Variants in CRNKL1 observed in about 807,000 individuals in gnomAD.
CRNKL1 encodes crooked neck pre-mRNA splicing factor 1.
CRNKL1 carries 35 observed loss-of-function variants against 103.7 expected under a neutral mutation model. The observed-to-expected ratio is 0.34, with a 90% CI of 0.26 to 0.45. The LOEUF (loss-of-function observed/expected upper bound fraction) is 0.45. Ranked by LOEUF, CRNKL1 falls within the 20% of genes least tolerant of loss-of-function variation. The pLI is 1.00. For synonymous variants in CRNKL1, 267 were observed against 282.6 expected, an observed-to-expected ratio of 0.94 and a Z score of 0.55; for missense variants, 645 against 836.0, an observed-to-expected ratio of 0.77 and a Z score of 2.82.
Position 20,036,175 on chromosome 20 carries a change from A to T in CRNKL1, c.*20T>A. 1 of 1,606,424 alleles carries T rather than the reference A, an allele frequency of 6.2e-7. No individual in the cohort carries two copies. The highest frequency in any genetic ancestry group is 8.5e-7 in the Non-Finnish European group (1 of 1,176,254). ...AATTAATTTATAAAAATAACAAAAC[A>T]TTTGTCTATGAAAAAAAGATCAGGA... On this transcript the variant is annotated 3_prime_UTR_variant, in exon 14 of 14. Coordinates refer to ENST00000536226, the MANE Select transcript of CRNKL1 (RefSeq NM_001278628.2).
upstream of CRNKL1, chr20:20,055,997 C>T (rs750926407): frequency 1.2e-6 from 2 of 1,609,872 alleles, no homozygotes; most frequent in Middle Eastern, 1.7e-4. Flanking sequence ...ACGTTAGGTT[C>T]TCCACTGTTG....
intron 10 of CRNKL1, among the ~76,000 whole-genome samples, chr20:20,040,371 T>C (rs1022891410): frequency 8.7e-5 from 13 of 149,578 alleles, no homozygotes; most frequent in Non-Finnish European, 1.3e-4. Flanking sequence ...CAATTAAAAG[T>C]GCATTTAACA....
rs143037047 is a variant in CRNKL1 at position 20,050,378 on chromosome 20, T to C, written c.204+92A>G. 1.4e-4 allele frequency: 158 copies of C among 1,119,108 alleles called. No individual in the cohort carries two copies. The East Asian group carries it at 3.3e-3, about 23-fold the overall frequency. 69.3% of individuals were successfully genotyped at this position (1,119,108 alleles called of 1,614,324 possible). ...GCGTCTGGAAACACTTAACCTCATC[T>C]TGCCCTACAGAATCCAACCAATGAG... On this transcript the variant is annotated intron_variant, in intron 2 of 13. Coordinates refer to ENST00000536226, the MANE Select transcript of CRNKL1 (RefSeq NM_001278628.2).
chr20:20,047,456 T>C lies in CRNKL1; in HGVS notation c.622+309A>G, dbSNP rs116505512. Among the ~76,000 whole-genome samples, 290 of 152,320 alleles carry C rather than the reference T, an allele frequency of 1.9e-3. 2 individuals are homozygous for C. Among genetic ancestry groups the C allele is most frequent in the African/African-American group, 6.6e-3 (273 of 41,578 alleles). ...ATATGAGGGACTTAAGCATCACCGA[T>C]TTTGGTATCCCCTTGAGTTCCTGGA... On this transcript the variant is annotated intron_variant, in intron 5 of 13. Transcript: ENST00000536226.
upstream of CRNKL1, chr20:20,052,700 TGGCTCTGTCGAG>T (rs770406393): frequency 1.9e-5 from 30 of 1,611,832 alleles, no homozygotes; most frequent in East Asian, 6.7e-4. Context: ...CGAGGACGAG[TGGCTCTGTCGAG>T]CCGTGGCGCC....
chr20:20,049,479 T>C (rs1432864104), intron 2 of CRNKL1, 48 bp from the exon 3 acceptor site: 1 of 943,604 alleles, frequency 1.1e-6, no homozygotes, highest in South Asian at 1.4e-5. Context: ...TGACTAAAAA[T>C]GACAGCACCC....
rs914712596 is a variant in CRNKL1 at position 20,034,755 on chromosome 20, T to G, written c.*1440A>C. ...TAAAGCAGTCAGGCTGAAAACAGAT[T>G]TTATCTCAACAACAGTCCTAGTTTC... On this transcript the variant is annotated 3_prime_UTR_variant, in exon 14 of 14. Coordinates refer to ENST00000536226, the MANE Select transcript of CRNKL1 (RefSeq NM_001278628.2). 2.8e-4 allele frequency: 43 copies of G among 152,202 alleles called. No homozygotes were observed. The highest frequency in any genetic ancestry group is 2.8e-3 in the Admixed American group (43 of 15,290). The allele number at this position is 152,202 out of a possible 1,614,324, so 9.4% of individuals were successfully genotyped here. A position where few individuals can be genotyped will look rare whatever the true frequency, so the allele number is the denominator to read the frequency against.
chr20:20,039,839 T>C lies in CRNKL1; in HGVS notation c.1315A>G (p.Ile439Val), dbSNP rs759227985. ...SLARRALGTSIGKCPKNKLFK... is the reference protein window; with the variant it reads ...SLARRALGTSVGKCPKNKLFK... ...AATTTGTTCTTTGGACATTTGCCTA[T>C]GGAAGTTCCCTGGAAAATAAAATAA... is the stretch of plus-strand genomic sequence containing the variant. The change falls in exon 11 of 14, where the codon ATA (isoleucine) becomes GTA (valine). Residue 439 changes from isoleucine (I) to valine (V), a missense_variant. Transcript: ENST00000536226. The C allele has an allele frequency of 3.0e-5, 48 of 1,613,438 alleles. No individual in the cohort carries two copies. The highest frequency in any genetic ancestry group is 3.8e-5 in the Non-Finnish European group (45 of 1,179,842).
upstream of CRNKL1, among the ~76,000 whole-genome samples, chr20:20,053,083 C>G (rs1017443340): frequency 6.6e-6 from 1 of 152,170 alleles, no homozygotes; most frequent in African/African-American, 2.4e-5. Flanking sequence ...CTTAATTACT[C>G]TAGTTAAATT....
intron 2 of CRNKL1, 94 bp downstream of exon 2, chr20:20,050,376 T>C: frequency 9.0e-7 from 1 of 1,106,712 alleles, no homozygotes; most frequent in Middle Eastern, 3.1e-4. Flanking sequence ...CTTAACCTCA[T>C]CTTGCCCTAC....
chr20:20,052,712 G>T, upstream of CRNKL1: 1 of 1,609,176 alleles, frequency 6.2e-7, no homozygotes, highest in Non-Finnish European at 8.5e-7. Context: ...GCTCTGTCGA[G>T]CCGTGGCGCC....
At chr20:20,055,577 G>A (rs532055672), upstream of CRNKL1, among the ~76,000 whole-genome samples, 3 of 152,102 alleles carry the variant, frequency 2.0e-5, no homozygotes, top group South Asian at 2.1e-4. Context: ...TCCCTCGCTC[G>A]CTTTCTTTCT....
intron 4 of CRNKL1, 84 bp from the exon 5 acceptor site, chr20:20,048,015 C>A: frequency 7.1e-7 from 1 of 1,405,186 alleles, no homozygotes; most frequent in Non-Finnish European, 9.8e-7. Flanking sequence ...TTTTACCTTT[C>A]TTAAAGGTTA....
rs1275314522 is a variant in CRNKL1 at position 20,035,472 on chromosome 20, T to C, written c.*723A>G. The C allele has an allele frequency of 6.6e-6, 1 of 152,222 alleles. No homozygotes were observed. Among genetic ancestry groups the C allele is most frequent in the Non-Finnish European group, 1.5e-5 (1 of 68,038 alleles). The allele number at this position is 152,222 out of a possible 1,614,324, so 9.4% of individuals were successfully genotyped here. ...TCTGGAGAACTGATGAGCGCCTAAC[T>C]GAAATTATTAGACTAAATTCTTAGT... On this transcript the variant is annotated 3_prime_UTR_variant, in exon 14 of 14. Coordinates refer to ENST00000536226, the MANE Select transcript of CRNKL1 (RefSeq NM_001278628.2).
intron 7 of CRNKL1, 22 bp from the exon 8 acceptor site, chr20:20,042,538 T>TA: frequency 1.9e-6 from 3 of 1,583,802 alleles, no homozygotes; most frequent in Non-Finnish European, 1.7e-6. Flanking sequence ...ACCAGTTTAA[T>TA]AAATAAAAAA....
chr20:20,052,725 G>A (rs1230523680), upstream of CRNKL1: 4 of 1,601,486 alleles, frequency 2.5e-6, no homozygotes, highest in South Asian at 3.3e-5. Context: ...GTGGCGCCCT[G>A]CAAGGGAGTA....
chr20:20,052,303 T>C lies in CRNKL1; in HGVS notation c.40A>G (p.Lys14Glu). 1 of 1,610,644 alleles carries C rather than the reference T, an allele frequency of 6.2e-7. No homozygotes were observed. Among genetic ancestry groups the C allele is most frequent in the East Asian group, 2.2e-5 (1 of 44,838 alleles). The stretch of plus-strand genomic sequence containing the variant: ...TCGCGATCGCCTACCTTGGCCACTT[T>C]GGGAATCCGCTGCTTCCCGGCCGCG... ...STAAGKQRIPKVAKVKNKAPA... is the reference protein window; with the variant it reads ...STAAGKQRIPEVAKVKNKAPA... Residue 14 changes from lysine (K) to glutamate (E), a missense_variant, in exon 1 of 14, where the codon AAA (lysine) becomes GAA (glutamate). Coordinates refer to ENST00000536226, the MANE Select transcript of CRNKL1 (RefSeq NM_001278628.2).
upstream of CRNKL1, among the ~76,000 whole-genome samples, chr20:20,054,027 T>TGTTTTTG (rs1232814017): frequency 4.1e-3 from 609 of 149,876 alleles, 6 homozygotes; most frequent in African/African-American, 0.013. Context: ...TTTTTTTTTT[T>TGTTTTTG]TTTTTTTAGG....
upstream of CRNKL1, chr20:20,055,926 T>C: frequency 6.4e-7 from 1 of 1,567,538 alleles, no homozygotes; most frequent in South Asian, 1.1e-5. Context: ...GAGAGAGAAA[T>C]TGAAATCATT....
Sources: gnomAD v4.1 joint callset for allele counts (sites outside exome capture counted in the v4.1 genomes callset) on GRCh38, gnomAD v4.1.1 for gene constraint, MANE v1.5 for transcripts, NCBI Gene and HGNC (gene_info 2026-07-23, HGNC 2026-07-21) for gene names.